The following SLC12A1 variants were observed in gnomAD, a reference collection of about 807,000 sequenced individuals.
SLC12A1 encodes solute carrier family 12 member 1.
Under a neutral mutation model 130.4 loss-of-function variants are expected in SLC12A1, and 89 were observed. That is an observed-to-expected ratio of 0.68 (90% CI 0.58 to 0.81). SLC12A1 has a LOEUF of 0.81. Among genes scored for constraint, SLC12A1 ranks in the 40% least tolerant of loss-of-function variants. The probability of loss-of-function intolerance (pLI) is 0.00; values close to 1 mark genes in which losing one functional copy is unlikely to be tolerated. For synonymous variants in SLC12A1, 499 were observed against 460.0 expected (o/e 1.08, Z -1.09); for missense variants, 1,310 against 1,336.4 (o/e 0.98, Z 0.31).
chr15:48,280,269 G>A (rs1176976543), intron 20 of SLC12A1, among the ~76,000 whole-genome samples: 3 of 151,574 alleles, frequency 2.0e-5, no homozygotes, highest in South Asian at 2.1e-4. Flanking sequence ...CCATATAATC[G>A]ATTTATAAAG....
intron 20 of SLC12A1, among the ~76,000 whole-genome samples, chr15:48,279,622 A>C (rs886123733): frequency 7.2e-5 from 11 of 152,196 alleles, no homozygotes; most frequent in African/African-American, 2.2e-4. Flanking sequence ...AACACACACA[A>C]AAAAAGCCAT....
intron 15 of SLC12A1, among the ~76,000 whole-genome samples, chr15:48,255,102 C>G (rs899761553): frequency 5.9e-5 from 9 of 152,212 alleles, no homozygotes; most frequent in East Asian, 1.9e-4. Flanking sequence ...ATAAAGATTA[C>G]TGCACACTAT....
intron 19 of SLC12A1, among the ~76,000 whole-genome samples, chr15:48,272,023 C>T (rs1400787465): frequency 6.6e-6 from 1 of 152,168 alleles, no homozygotes; most frequent in Non-Finnish European, 1.5e-5. Context: ...GACTGTCTTC[C>T]AACCTCTCTA....
chr15:48,250,274 G>A (rs931800784), intron 14 of SLC12A1, among the ~76,000 whole-genome samples: 10 of 152,182 alleles, frequency 6.6e-5, no homozygotes, highest in African/African-American at 2.2e-4. Context: ...TACCAGAATA[G>A]AGAGTTGTCA....
intron 25 of SLC12A1, 83 bp downstream of exon 25, chr15:48,299,358 A>C (rs971051949): frequency 8.4e-7 from 1 of 1,184,308 alleles, no homozygotes; most frequent in Non-Finnish European, 1.1e-6. Flanking sequence ...CAAAGAAGCA[A>C]TATATTTATT....
At chr15:48,291,484 T>C (rs1370146798) in intron 23 of SLC12A1, among the ~76,000 whole-genome samples, 1 of 152,160 alleles carries the variant, frequency 6.6e-6, no homozygotes, top group African/African-American at 2.4e-5. Flanking sequence ...TAATAAGAAA[T>C]GTGGACAGAT....
chr15:48,251,504 A>C (rs2041647880), intron 14 of SLC12A1, 111 bp from the exon 15 acceptor site: 1 of 858,030 alleles, frequency 1.2e-6, no homozygotes, highest in South Asian at 1.5e-5. Flanking sequence ...CTTGGCCTAA[A>C]AGTTCTGATT....
chr15:48,247,643 CTT>C (rs1450241506), intron 13 of SLC12A1, among the ~76,000 whole-genome samples, 183 bp downstream of exon 13: 1 of 152,094 alleles, frequency 6.6e-6, no homozygotes, highest in African/African-American at 2.4e-5. Flanking sequence ...TCGAGGTAGA[CTT>C]TGAATTTTAA....
intron 12 of SLC12A1, 129 bp from the exon 13 acceptor site, chr15:48,247,208 T>C: frequency 1.0e-6 from 1 of 975,664 alleles, no homozygotes; most frequent in Admixed American, 2.4e-5. Flanking sequence ...AATGATAAAC[T>C]GCAGTGTTAA....
chr15:48,222,532 G>C (rs1330736587), intron 4 of SLC12A1: 1 of 151,932 alleles, frequency 6.6e-6, no homozygotes, highest in East Asian at 1.9e-4. Flanking sequence ...TTAGAAGAGA[G>C]TAAAATTCTA....
At chr15:48,273,100 CAAAA>C (rs58343718) in intron 19 of SLC12A1, among the ~76,000 whole-genome samples, 5 of 82,004 alleles carry the variant, frequency 6.1e-5, no homozygotes, top group Admixed American at 4.1e-4. Context: ...GTCAGACTGT[CAAAA>C]AAAAAAAAAA....
intron 2 of SLC12A1, among the ~76,000 whole-genome samples, chr15:48,212,409 A>G (rs954785429): frequency 1.3e-5 from 2 of 152,168 alleles, no homozygotes; most frequent in Admixed American, 6.5e-5. Context: ...CATGTACCAG[A>G]CGTATTTTCC....
chr15:48,280,346 G>A (rs954653138), intron 20 of SLC12A1, among the ~76,000 whole-genome samples: 6 of 152,158 alleles, frequency 3.9e-5, no homozygotes, highest in Non-Finnish European at 7.3e-5. Context: ...TGGCTCAAGA[G>A]TCACTCTTAG....
At chr15:48,284,168 A>C (rs1486556206) in intron 20 of SLC12A1, among the ~76,000 whole-genome samples, 1 of 152,226 alleles carries the variant, frequency 6.6e-6, no homozygotes, top group East Asian at 1.9e-4. Flanking sequence ...AGGCACCCAG[A>C]AACCTCAGCT....
intron 9 of SLC12A1, among the ~76,000 whole-genome samples, chr15:48,241,185 A>G (rs2041511574): frequency 6.6e-6 from 1 of 152,240 alleles, no homozygotes; most frequent in Admixed American, 6.5e-5. Flanking sequence ...GATGTGATAC[A>G]TCTAAATGAA....
intron 13 of SLC12A1, among the ~76,000 whole-genome samples, chr15:48,249,236 T>C (rs2041619867): frequency 6.6e-6 from 1 of 151,770 alleles, no homozygotes; most frequent in South Asian, 2.1e-4. Context: ...ATTGCATACA[T>C]AACAGTTATA....
chr15:48,280,071 C>A (rs1273278162), intron 20 of SLC12A1, among the ~76,000 whole-genome samples: 1 of 151,878 alleles, frequency 6.6e-6, no homozygotes, highest in Non-Finnish European at 1.5e-5. Context: ...TTTCCCTGCT[C>A]TCCCTTCTGG....
chr15:48,289,436 A>ATATAGT (rs2042096702), intron 23 of SLC12A1, among the ~76,000 whole-genome samples: 1 of 115,198 alleles, frequency 8.7e-6, no homozygotes, highest in Non-Finnish European at 1.8e-5. Flanking sequence ...TATAATGTAT[A>ATATAGT]ACTATGTATA....
chr15:48,219,716 A>G (rs1045726621), intron 2 of SLC12A1, among the ~76,000 whole-genome samples: 1 of 152,124 alleles, frequency 6.6e-6, no homozygotes, highest in African/African-American at 2.4e-5. Flanking sequence ...TCTCTTAAAG[A>G]TCCTCTGAGG....
Sources: gnomAD v4.1 joint callset for allele counts (sites outside exome capture counted in the v4.1 genomes callset) on GRCh38, gnomAD v4.1.1 for gene constraint, MANE v1.5 for transcripts, NCBI Gene and HGNC (gene_info 2026-07-23, HGNC 2026-07-21) for gene names.